Variants in ZNF710 observed in about 807,000 individuals in gnomAD.
ZNF710 encodes zinc finger protein 710.
In ZNF710, 13 loss-of-function variants were observed where a neutral mutation model predicts 50.6. That is an observed-to-expected ratio of 0.26 (90% CI 0.17 to 0.41). The LOEUF is 0.41. Among genes scored for constraint, ZNF710 ranks in the 10% least tolerant of loss-of-function variants. The probability of loss-of-function intolerance (pLI) is 1.00; values close to 1 mark genes in which losing one functional copy is unlikely to be tolerated. For synonymous variants in ZNF710, 383 were observed against 397.0 expected, an observed-to-expected ratio of 0.96 and a Z score of 0.42; for missense variants, 721 against 936.6, an observed-to-expected ratio of 0.77 and a Z score of 3.01.
At position 90,055,353 on chromosome 15, in the gene ZNF710, G is replaced by A. The variant is rs528781154; in HGVS notation, c.-28-11757G>A. ...AGGGGAAAGCATGTGTGAAGAGGCC[G>A]TGTGCAGGTGAGGTCTATTAAAGAA... On this transcript the variant is annotated intron_variant, in intron 1 of 4. Coordinates refer to ENST00000268154, the MANE Select transcript of ZNF710 (RefSeq NM_198526.4). Among the ~76,000 whole-genome samples the A allele has an allele frequency of 4.6e-5, 7 of 152,234 alleles. No homozygotes were observed. The South Asian group carries it at 1.0e-3, about 23-fold the overall frequency.
intron 1 of ZNF710, among the ~76,000 whole-genome samples, chr15:90,052,491 G>A (rs1312082130): frequency 6.6e-6 from 1 of 152,168 alleles, no homozygotes; most frequent in Non-Finnish European, 1.5e-5. Flanking sequence ...AGTCCTCCCA[G>A]GAACACAGGA....
At chr15:90,077,300 G>A (rs1484342667) in intron 4 of ZNF710, among the ~76,000 whole-genome samples, 3 of 140,842 alleles carry the variant, frequency 2.1e-5, no homozygotes, top group African/African-American at 8.1e-5. Context: ...CTGGAGTGCA[G>A]TGGCGCGATC....
At chr15:90,063,351 G>C (rs997516021) in intron 1 of ZNF710, among the ~76,000 whole-genome samples, 2 of 152,114 alleles carry the variant, frequency 1.3e-5, no homozygotes. Flanking sequence ...GCGTGAGGTG[G>C]GGAGCGCACT....
intron 1 of ZNF710, among the ~76,000 whole-genome samples, chr15:90,006,248 TA>T (rs1312380453): frequency 4.6e-5 from 7 of 152,208 alleles, no homozygotes; most frequent in African/African-American, 1.2e-4. Flanking sequence ...GAGATCTTTT[TA>T]TGGGCAAAGA....
chr15:90,058,718 T>C lies in ZNF710; in HGVS notation c.-28-8392T>C, dbSNP rs560278778. 9.0e-4 allele frequency among the ~76,000 whole-genome samples: 134 copies of C among 148,068 alleles called. 4 individuals are homozygous for C. Among genetic ancestry groups the C allele is most frequent in the East Asian group, 2.1e-3 (11 of 5,152 alleles). ...CTATATATTTATATATATATATATATACACACATATACACACACACGTACA... is the reference window on the plus strand; with the variant it reads ...CTATATATTTATATATATATATATACACACACATATACACACACACGTACA... On this transcript the variant is annotated intron_variant, in intron 1 of 4. Coordinates refer to ENST00000268154, the MANE Select transcript of ZNF710 (RefSeq NM_198526.4).
intron 1 of ZNF710, among the ~76,000 whole-genome samples, chr15:90,038,903 G>C (rs1480015839): frequency 6.6e-6 from 1 of 152,200 alleles, no homozygotes; most frequent in African/African-American, 2.4e-5. Context: ...CTCTTTGGCT[G>C]TCTGTCCCTG....
At chr15:90,055,564 C>A (rs1899786743) in intron 1 of ZNF710, among the ~76,000 whole-genome samples, 3 of 152,202 alleles carry the variant, frequency 2.0e-5, no homozygotes, top group Admixed American at 6.5e-5. Context: ...CCGATTGGTA[C>A]AAGCATAAGG....
chr15:90,079,531 G>T, intron 4 of ZNF710, 129 bp from the exon 5 acceptor site: 2 of 1,156,416 alleles, frequency 1.7e-6, no homozygotes, highest in Non-Finnish European at 2.4e-6. Context: ...AGGCTGAGAG[G>T]CAGCTGAGAC....
intron 1 of ZNF710, among the ~76,000 whole-genome samples, chr15:90,037,045 G>C (rs1014323559): frequency 1.3e-5 from 2 of 152,154 alleles, no homozygotes; most frequent in African/African-American, 2.4e-5. Flanking sequence ...GGGAGGTCAG[G>C]CATGGTGGGG....
At chr15:90,066,254 C>T (rs543238985) in intron 1 of ZNF710, among the ~76,000 whole-genome samples, 9 of 152,230 alleles carry the variant, frequency 5.9e-5, no homozygotes, top group South Asian at 2.1e-4. Flanking sequence ...CATACGTTCT[C>T]GTTCATACAG....
intron 1 of ZNF710, among the ~76,000 whole-genome samples, chr15:90,015,206 T>C (rs1337069865): frequency 3.3e-5 from 5 of 152,178 alleles, no homozygotes; most frequent in African/African-American, 1.2e-4. Context: ...ACCAAATTTT[T>C]AAAGCAGGCT....
chr15:90,079,959 A>G lies in ZNF710; in HGVS notation c.*130A>G, dbSNP rs1900683030. ...CACTGTTCTGAGCCCTCCCTCCCCG[A>G]GTCATTTGCACCACTAGGGACCTTT... On this transcript the variant is annotated 3_prime_UTR_variant, in exon 5 of 5. Coordinates refer to ENST00000268154, the MANE Select transcript of ZNF710 (RefSeq NM_198526.4). 1 of 889,724 alleles carries G rather than the reference A, an allele frequency of 1.1e-6. No homozygotes were observed. The highest frequency in any genetic ancestry group is 3.0e-5 in the East Asian group (1 of 33,200). The allele number at this position is 889,724 out of a possible 1,614,324, so 55.1% of individuals were successfully genotyped here. A position where few individuals can be genotyped will look rare whatever the true frequency, so the allele number is the denominator to read the frequency against.
rs560543074 is a variant in ZNF710, at chr15:90,034,286, A to G, written c.-29+32672A>G. The stretch of plus-strand genomic sequence containing the variant: ...TTCTTCTGCCAGATAGAAACAAGAT[A>G]TCACATGCAAGAGGCTCTACACATG... On this transcript the variant is annotated intron_variant, in intron 1 of 4. Transcript: ENST00000268154. This position sits in a 1 kb window ranked among gnomAD's most constrained non-coding sequence, Gnocchi z 4.0. Among the ~76,000 whole-genome samples, 1 of 152,144 alleles carries G rather than the reference A, an allele frequency of 6.6e-6. No homozygotes were observed. Among genetic ancestry groups the G allele is most frequent in the Non-Finnish European group, 1.5e-5 (1 of 68,020 alleles).
chr15:90,023,340 T>G (rs994584588), intron 1 of ZNF710, among the ~76,000 whole-genome samples: 1 of 152,204 alleles, frequency 6.6e-6, no homozygotes, highest in African/African-American at 2.4e-5. Context: ...CTCATTTCCA[T>G]TCTCCTTGCA....
chr15:90,021,867 C>T (rs1380170808), intron 1 of ZNF710, among the ~76,000 whole-genome samples: 1 of 152,142 alleles, frequency 6.6e-6, no homozygotes, highest in Non-Finnish European at 1.5e-5. Context: ...AGGCGGATCA[C>T]CTGAGGTCAG....
intron 1 of ZNF710, among the ~76,000 whole-genome samples, chr15:90,064,805 A>T (rs890814716): frequency 3.3e-5 from 5 of 152,182 alleles, no homozygotes; most frequent in Non-Finnish European, 7.4e-5. Flanking sequence ...GATTCTTTAC[A>T]GTTGGTTAGG....
upstream of ZNF710, among the ~76,000 whole-genome samples, chr15:90,000,904 A>G (rs1897994154): frequency 6.6e-6 from 1 of 151,974 alleles, no homozygotes; most frequent in African/African-American, 2.4e-5. Context: ...TGTACCGGAC[A>G]GGGCCGGGCC....
At chr15:90,052,350 C>T (rs1899672205) in intron 1 of ZNF710, among the ~76,000 whole-genome samples, 1 of 152,190 alleles carries the variant, frequency 6.6e-6, no homozygotes, top group South Asian at 2.1e-4. Flanking sequence ...CGGTTTGCTT[C>T]ATTTTCTGCA....
rs1899264603 is a variant in ZNF710 at position 90,040,488 on chromosome 15, C to T, written c.-28-26622C>T. Among the ~76,000 whole-genome samples, 1 of 152,158 alleles carries T rather than the reference C, an allele frequency of 6.6e-6. No individual in the cohort carries two copies. Among genetic ancestry groups the T allele is most frequent in the African/African-American group, 2.4e-5 (1 of 41,424 alleles). ...TTCTTGAAGGAATTTCTGTTCTCATCAGTTCATAAGCACAGTGCCCCTTCT... is the reference window on the plus strand; with the variant it reads ...TTCTTGAAGGAATTTCTGTTCTCATTAGTTCATAAGCACAGTGCCCCTTCT... On this transcript the variant is annotated intron_variant, in intron 1 of 4. Transcript: ENST00000268154. The surrounding 1 kb of genome is among the most constrained non-coding windows in gnomAD (Gnocchi z 4.6).
Sources: gnomAD v4.1 joint callset for allele counts (sites outside exome capture counted in the v4.1 genomes callset) on GRCh38, gnomAD v4.1.1 for gene constraint, Gnocchi (gnomAD v3.1) non-coding constraint, MANE v1.5 for transcripts, NCBI Gene and HGNC (gene_info 2026-07-23, HGNC 2026-07-21) for gene names.